The following UNC5C variants were observed in gnomAD, a reference collection of about 807,000 sequenced individuals.
UNC5C encodes the protein netrin receptor UNC5C.
UNC5C carries 47 observed loss-of-function variants against 99.8 expected under a neutral mutation model. The ratio of observed to expected loss-of-function variants is 0.47; its 90% CI spans 0.37 to 0.60. The LOEUF (loss-of-function observed/expected upper bound fraction) is 0.60, where lower values mean the gene tolerates loss of function less well. Ranked by LOEUF, UNC5C falls within the 20% of genes least tolerant of loss-of-function variation. The pLI, the probability that UNC5C is intolerant of heterozygous loss-of-function variation, is 0.00. For missense variants in UNC5C, 1,062 were observed against 1,165.9 expected, an observed-to-expected ratio of 0.91 and a Z score of 1.30; for synonymous variants, 487 against 452.2, an observed-to-expected ratio of 1.08 and a Z score of -0.98.
intron 1 of UNC5C, among the ~76,000 whole-genome samples, chr4:95,445,398 G>A (rs539904984): frequency 6.6e-6 from 1 of 151,712 alleles, no homozygotes; most frequent in Non-Finnish European, 1.5e-5. Flanking sequence ...ATGCAGTTTA[G>A]GTTTCTGTTC....
At chr4:95,343,758 C>A (rs1743665498) in intron 1 of UNC5C, among the ~76,000 whole-genome samples, 1 of 151,966 alleles carries the variant, frequency 6.6e-6, no homozygotes, top group Admixed American at 6.6e-5. Flanking sequence ...TAAAAGCAAG[C>A]AGAAATTCTG....
At chr4:95,329,871 AAACC>A (rs1400332954) in intron 2 of UNC5C, among the ~76,000 whole-genome samples, 6 of 152,164 alleles carry the variant, frequency 3.9e-5, no homozygotes, top group Non-Finnish European at 7.4e-5. Context: ...CCCACCACTG[AAACC>A]AACCAACCAA....
intron 1 of UNC5C, among the ~76,000 whole-genome samples, chr4:95,456,121 C>A (rs1039977830): frequency 6.6e-6 from 1 of 151,962 alleles, no homozygotes; most frequent in Non-Finnish European, 1.5e-5. Flanking sequence ...TAAAGGTACT[C>A]CCCTCAATTG....
chr4:95,282,039 A>T lies in UNC5C; in HGVS notation c.491-3677T>A, dbSNP rs560865436. Among the ~76,000 whole-genome samples, 45 of 152,290 alleles carry T rather than the reference A, an allele frequency of 3.0e-4. No individual in the cohort carries two copies. In the East Asian group the frequency reaches 7.3e-3, roughly 25 times the overall value. ...TGAGAACCACAGGTCTAGGGCTTGG[A>T]AAAGAAGGCCTGGTAGGATTTCTTG... On this transcript the variant is annotated intron_variant, in intron 3 of 15. Transcript: ENST00000453304.
chr4:95,288,662 G>A (rs1232678966), intron 3 of UNC5C, among the ~76,000 whole-genome samples: 1 of 152,208 alleles, frequency 6.6e-6, no homozygotes, highest in Non-Finnish European at 1.5e-5. Context: ...GTTTCTTAGG[G>A]AGAGACCATG....
chr4:95,289,904 A>G (rs1741380165), intron 3 of UNC5C, among the ~76,000 whole-genome samples: 1 of 152,228 alleles, frequency 6.6e-6, no homozygotes, highest in Non-Finnish European at 1.5e-5. Context: ...TTTCTTTTCC[A>G]GGAATAGAGT....
At chr4:95,404,012 G>A (rs1009510887) in intron 1 of UNC5C, among the ~76,000 whole-genome samples, 1 of 152,058 alleles carries the variant, frequency 6.6e-6, no homozygotes, top group Non-Finnish European at 1.5e-5. Context: ...CTAAAGGCCT[G>A]GGAGGGAAAA....
intron 12 of UNC5C, among the ~76,000 whole-genome samples, chr4:95,201,900 G>A (rs889393699): frequency 3.3e-5 from 5 of 152,062 alleles, no homozygotes; most frequent in African/African-American, 7.2e-5. Context: ...CACCACACCC[G>A]GCCGAGGGTC....
intron 12 of UNC5C, 142 bp downstream of exon 12, chr4:95,202,589 T>C (rs1737718958): frequency 1.3e-6 from 1 of 758,564 alleles, no homozygotes; most frequent in Admixed American, 2.7e-5. Flanking sequence ...GTCTATCTTT[T>C]TTAAGTGCAT....
intron 1 of UNC5C, among the ~76,000 whole-genome samples, chr4:95,402,042 T>C (rs58966779): frequency 0.068 from 10,412 of 152,236 alleles, 641 homozygotes; most frequent in East Asian, 0.19. Context: ...ATTTCACATA[T>C]CAATTATCTA....
intron 1 of UNC5C, among the ~76,000 whole-genome samples, chr4:95,475,243 G>T (rs911522586): frequency 6.6e-6 from 1 of 151,956 alleles, no homozygotes; most frequent in African/African-American, 2.4e-5. Context: ...AACCACTGGG[G>T]ACCCCATGAA....
At chr4:95,539,538 A>T (rs72876500) in intron 1 of UNC5C, among the ~76,000 whole-genome samples, 11,749 of 152,210 alleles carry the variant, frequency 0.077, 1,033 homozygotes, top group African/African-American at 0.21. Context: ...TTTGTTTTAT[A>T]AGTTAAAAAG....
At chr4:95,465,973 A>G (rs1747762991) in intron 1 of UNC5C, among the ~76,000 whole-genome samples, 1 of 152,182 alleles carries the variant, frequency 6.6e-6, no homozygotes, top group East Asian at 1.9e-4. Context: ...CAAGGTATAT[A>G]GCGACAAGCT....
At chr4:95,231,614 A>G (rs1021273814) in intron 7 of UNC5C, among the ~76,000 whole-genome samples, 3 of 151,982 alleles carry the variant, frequency 2.0e-5, no homozygotes, top group Admixed American at 2.0e-4. Flanking sequence ...AACATGGGCA[A>G]TTTTTTCACC....
intron 2 of UNC5C, among the ~76,000 whole-genome samples, chr4:95,328,752 G>A (rs1385561872): frequency 1.3e-5 from 2 of 151,654 alleles, no homozygotes; most frequent in African/African-American, 2.4e-5. Flanking sequence ...TTTAATGATT[G>A]CCATTCTAAC....
chr4:95,542,478 T>G (rs1722943468), intron 1 of UNC5C, among the ~76,000 whole-genome samples: 1 of 152,136 alleles, frequency 6.6e-6, no homozygotes, highest in Non-Finnish European at 1.5e-5. Context: ...AATTGTAACT[T>G]CAACTTAATT....
chr4:95,546,226 C>T (rs1564895), intron 1 of UNC5C, among the ~76,000 whole-genome samples: 7,446 of 152,236 alleles, frequency 0.049, 207 homozygotes, highest in Middle Eastern at 0.14. Context: ...ACAAGGAAAT[C>T]ATACCTTGAG....
chr4:95,443,334 T>A (rs1229565505), intron 1 of UNC5C, among the ~76,000 whole-genome samples: 2 of 152,198 alleles, frequency 1.3e-5, no homozygotes, highest in Non-Finnish European at 2.9e-5. Flanking sequence ...TGTTGTTATT[T>A]TTCAAGTATA....
chr4:95,194,176 C>T (rs1448207297), intron 12 of UNC5C, among the ~76,000 whole-genome samples: 1 of 152,156 alleles, frequency 6.6e-6, no homozygotes, highest in African/African-American at 2.4e-5. Context: ...GGGTGGTGCT[C>T]AGGCAAGCAG....
Sources: gnomAD v4.1 joint callset for allele counts (sites outside exome capture counted in the v4.1 genomes callset) on GRCh38, gnomAD v4.1.1 for gene constraint, MANE v1.5 for transcripts, NCBI Gene and HGNC (gene_info 2026-07-23, HGNC 2026-07-21) for gene names.